The following EFCAB13 variants were observed in gnomAD, a reference collection of about 807,000 sequenced individuals.
EFCAB13 encodes the protein EF-hand calcium-binding domain-containing protein 13.
Under a neutral mutation model 110.2 loss-of-function variants are expected in EFCAB13, and 91 were observed. The ratio of observed to expected loss-of-function variants is 0.83; its 90% CI spans 0.70 to 0.98. The LOEUF is 0.98. Ranked by LOEUF, EFCAB13 falls within the 50% of genes least tolerant of loss-of-function variation. EFCAB13 has a pLI of 0.00. For missense variants in EFCAB13, 968 were observed against 1,119.4 expected (o/e 0.86, Z 1.93); for synonymous variants, 323 against 369.9 (o/e 0.87, Z 1.45).
intron 17 of EFCAB13, 34 bp from the exon 18 acceptor site, chr17:47,402,098 G>T: frequency 6.3e-7 from 1 of 1,577,738 alleles, no homozygotes; most frequent in South Asian, 1.1e-5. Context: ...TTTGCGTAAT[G>T]AGGTTGGTCT....
intron 14 of EFCAB13, among the ~76,000 whole-genome samples, chr17:47,386,989 A>G (rs1486762906): frequency 6.6e-6 from 1 of 151,632 alleles, no homozygotes; most frequent in African/African-American, 2.4e-5. Flanking sequence ...ACCAGTCCCA[A>G]TGAGATGAGC....
At chr17:47,330,026 G>T (rs1442617594) in intron 4 of EFCAB13, 2 of 152,094 alleles carry the variant, frequency 1.3e-5, no homozygotes, top group Admixed American at 1.3e-4. Context: ...TTTATAAATT[G>T]TCTGTGTAAT....
chr17:47,368,073 A>G (rs1378576349), intron 10 of EFCAB13, among the ~76,000 whole-genome samples: 1 of 152,234 alleles, frequency 6.6e-6, no homozygotes. Flanking sequence ...ATTATTCCAT[A>G]TAATGATCAG....
At chr17:47,397,625 G>A (rs1181107508) in intron 17 of EFCAB13, among the ~76,000 whole-genome samples, 2 of 151,238 alleles carry the variant, frequency 1.3e-5, no homozygotes, top group Non-Finnish European at 2.9e-5. Flanking sequence ...CTGCCCGGCC[G>A]CCCATCGTCT....
At chr17:47,348,190 G>A (rs146329589) in intron 9 of EFCAB13, among the ~76,000 whole-genome samples, 6,357 of 151,216 alleles carry the variant, frequency 0.042, 192 homozygotes, top group Middle Eastern at 0.15. Context: ...ACTGGATTAT[G>A]GCATATTCTC....
chr17:47,423,253 G>A (rs1023588200), intron 23 of EFCAB13: 2 of 152,072 alleles, frequency 1.3e-5, no homozygotes, highest in African/African-American at 2.4e-5. Flanking sequence ...TGTTATGTAA[G>A]AGAATGTTCT....
chr17:47,429,321 A>G (rs1190842289), intron 23 of EFCAB13, among the ~76,000 whole-genome samples: 2 of 152,210 alleles, frequency 1.3e-5, no homozygotes, highest in Non-Finnish European at 2.9e-5. Context: ...AAAGCTTATT[A>G]GTAATGCTTC....
intron 23 of EFCAB13, among the ~76,000 whole-genome samples, chr17:47,415,154 G>A (rs898186683): frequency 1.3e-5 from 2 of 151,570 alleles, no homozygotes; most frequent in East Asian, 1.9e-4. Context: ...ACCAAACACC[G>A]CATATTCTCA....
chr17:47,332,820 G>A (rs1394801599), intron 4 of EFCAB13, among the ~76,000 whole-genome samples: 2 of 152,130 alleles, frequency 1.3e-5, no homozygotes, highest in Non-Finnish European at 1.5e-5. Context: ...ATCTGTTGAT[G>A]GACACTTAGG....
chr17:47,325,512 TA>T (rs1399461748), intron 2 of EFCAB13, among the ~76,000 whole-genome samples: 1 of 152,188 alleles, frequency 6.6e-6, no homozygotes, highest in Admixed American at 6.5e-5. Context: ...TACTGTCATC[TA>T]GGGGTCCTCC....
At chr17:47,371,018 G>A (rs1294467642) in intron 11 of EFCAB13, among the ~76,000 whole-genome samples, 1 of 149,242 alleles carries the variant, frequency 6.7e-6, no homozygotes, top group Admixed American at 6.6e-5. Context: ...GAGATTACAA[G>A]CGTGAGCCAC....
Position 47,429,892 on chromosome 17 carries a change from T to C in EFCAB13, c.2569T>C (p.Leu857=), listed in dbSNP as rs375239377. The C allele has an allele frequency of 3.7e-6, 6 of 1,613,372 alleles. No individual in the cohort carries two copies. The highest frequency in any genetic ancestry group is 5.1e-6 in the Non-Finnish European group (6 of 1,179,498). The part of the protein sequence containing the change: ...LVDVSDLKTL[L]MDKDLHTANA... ...TGATGTCTCTGACCTCAAGACATTA[T>C]TGATGGACAAGGACCTTCATACAGC... Residue 857 remains leucine, a synonymous_variant, in exon 24 of 25, where the codon TTG becomes CTG. Coordinates refer to ENST00000331493, the MANE Select transcript of EFCAB13 (RefSeq NM_152347.5).
intron 24 of EFCAB13, among the ~76,000 whole-genome samples, chr17:47,438,151 CT>C (rs1393811530): frequency 6.6e-6 from 1 of 152,222 alleles, no homozygotes; most frequent in Non-Finnish European, 1.5e-5. Context: ...GAGAAATCTG[CT>C]GTTAATCAGA....
chr17:47,366,215 T>G (rs2065544982), intron 10 of EFCAB13, among the ~76,000 whole-genome samples: 1 of 152,124 alleles, frequency 6.6e-6, no homozygotes, highest in Non-Finnish European at 1.5e-5. Flanking sequence ...GGATTTGCTT[T>G]ATTAAGATAT....
rs758852692 is a variant in EFCAB13, at chr17:47,328,352, A to G, written c.-2A>G. On this transcript the variant is annotated 5_prime_UTR_variant, in exon 4 of 25. Coordinates refer to ENST00000331493, the MANE Select transcript of EFCAB13 (RefSeq NM_152347.5). ...GGACAGAATTTACCTCTAAACAGAAAGATGGAAACTAAAGTACATTTATTC... is the reference window on the plus strand; with the variant it reads ...GGACAGAATTTACCTCTAAACAGAAGGATGGAAACTAAAGTACATTTATTC... 1.2e-6 allele frequency: 2 copies of G among 1,604,912 alleles called. No individual in the cohort carries two copies.
chr17:47,415,092 A>T, intron 23 of EFCAB13, 173 bp downstream of exon 23: 1 of 397,182 alleles, frequency 2.5e-6, no homozygotes, highest in Non-Finnish European at 4.5e-6. Context: ...TTGTAGGGAC[A>T]TGGATGAAAT....
chr17:47,438,935 A>G (rs1447181500), intron 24 of EFCAB13, among the ~76,000 whole-genome samples: 1 of 151,906 alleles, frequency 6.6e-6, no homozygotes, highest in African/African-American at 2.4e-5. Context: ...CTCATATACC[A>G]TCTCAAGACT....
In EFCAB13 at chr17:47,338,467, C is replaced by A. The variant is rs186500000; in HGVS notation, c.191+3111C>A. ...GTCTCACTATATTGCCCAGGCTGGTCTTGAACTCCTGGCCTGAAGCAGTCC... is the reference window on the plus strand; with the variant it reads ...GTCTCACTATATTGCCCAGGCTGGTATTGAACTCCTGGCCTGAAGCAGTCC... On this transcript the variant is annotated intron_variant, in intron 5 of 24. Transcript: ENST00000331493. Among the ~76,000 whole-genome samples the A allele has an allele frequency of 8.5e-3, 1,291 of 151,876 alleles. 20 individuals are homozygous for A. Among genetic ancestry groups the A allele is most frequent in the Non-Finnish European group, 8.0e-3 (546 of 67,970 alleles).
intron 11 of EFCAB13, among the ~76,000 whole-genome samples, chr17:47,371,501 A>G (rs2065584617): frequency 6.6e-6 from 1 of 152,064 alleles, no homozygotes; most frequent in African/African-American, 2.4e-5. Context: ...CTCAGTGTAT[A>G]TTCTTGACTG....
Sources: allele counts gnomAD v4.1 joint callset (sites outside exome capture counted in the v4.1 genomes callset), GRCh38; gene constraint gnomAD v4.1.1; transcripts MANE v1.5; gene names NCBI Gene and HGNC (gene_info 2026-07-23, HGNC 2026-07-21).